The following TLN2 variants were observed in gnomAD, a reference collection of about 807,000 sequenced individuals.
TLN2 encodes talin 2.
In TLN2, 118 loss-of-function variants were observed where a neutral mutation model predicts 294.7. That is an observed-to-expected ratio of 0.40 (90% CI 0.34 to 0.47). The LOEUF (loss-of-function observed/expected upper bound fraction) is 0.47. Among genes scored for constraint, TLN2 ranks in the 20% least tolerant of loss-of-function variants. The pLI, the probability that TLN2 is intolerant of heterozygous loss-of-function variation, is 0.84. For missense variants in TLN2, 3,083 were observed against 3,282.2 expected (o/e 0.94, Z 1.48); for synonymous variants, 1,431 against 1,304.5 (o/e 1.10, Z -2.09).
chr15:62,607,935 C>T (rs981846720), intron 2 of TLN2, among the ~76,000 whole-genome samples: 1 of 152,210 alleles, frequency 6.6e-6, no homozygotes, highest in African/African-American at 2.4e-5. Context: ...TTGCTAATGT[C>T]TAACCTCAAG....
chr15:62,609,519 C>T (rs1036397226), intron 2 of TLN2, among the ~76,000 whole-genome samples: 7 of 152,224 alleles, frequency 4.6e-5, no homozygotes, highest in African/African-American at 1.7e-4. Flanking sequence ...CCTTCATAAC[C>T]TTGACCCTCT....
chr15:62,741,533 G>A (rs968142022), intron 32 of TLN2, among the ~76,000 whole-genome samples: 1 of 152,114 alleles, frequency 6.6e-6, no homozygotes, highest in Non-Finnish European at 1.5e-5. Context: ...GAGTAGGGTG[G>A]TCATGATTCT....
rs1198545185 is a variant in TLN2, at chr15:62,763,807, G to A, written c.5094+112G>A. 5.0e-6 allele frequency: 7 copies of A among 1,394,018 alleles called. No individual in the cohort carries two copies. The Admixed American group carries it at 1.7e-4, about 33-fold the overall frequency. 86.4% of individuals were successfully genotyped at this position (1,394,018 alleles called of 1,614,324 possible). A position where few individuals can be genotyped will look rare whatever the true frequency, so the allele number is the denominator to read the frequency against. On this transcript the variant is annotated intron_variant, in intron 40 of 58. Coordinates refer to ENST00000636159, the MANE Select transcript of TLN2 (RefSeq NM_015059.3). ...GGGCCAAAATGTTTCTGTTGCTGGA[G>A]TTTCACCATTAGACAGCCATTCTCT...
At chr15:62,549,480 G>GCATCCATGCATGCATCCATC (rs1555427562) in intron 1 of TLN2, among the ~76,000 whole-genome samples, 4 of 147,756 alleles carry the variant, frequency 2.7e-5, no homozygotes, top group African/African-American at 1.0e-4. Context: ...TGCATGCCAT[G>GCATCCATGCATGCATCCATC]CATCCATCCA....
At chr15:62,487,902 C>CA (rs1455616711) in intron 1 of TLN2, among the ~76,000 whole-genome samples, 10 of 151,024 alleles carry the variant, frequency 6.6e-5, no homozygotes, top group African/African-American at 2.2e-4. Context: ...GAATCCGTCT[C>CA]AAAAAATAAA....
intron 1 of TLN2, among the ~76,000 whole-genome samples, chr15:62,481,670 CT>C (rs571119824): frequency 1.3e-5 from 2 of 150,824 alleles, no homozygotes; most frequent in Non-Finnish European, 3.0e-5. Flanking sequence ...CAAGAAAGTG[CT>C]TTTTTTTTAA....
At position 62,608,616 on chromosome 15, in the gene TLN2, T is replaced by A. The variant is rs139747367; in HGVS notation, c.-161-9735T>A. 3.0e-3 allele frequency among the ~76,000 whole-genome samples: 456 copies of A among 152,252 alleles called. 4 individuals are homozygous for A. The highest frequency in any genetic ancestry group is 0.01 in the African/African-American group (433 of 41,540). ...GGAGGTGGGTGGATTGTGAAGTTAC[T>A]GAGATCAGCGACACAGGAGGGAAGC... is the stretch of plus-strand genomic sequence containing the variant. On this transcript the variant is annotated intron_variant, in intron 2 of 58. Coordinates refer to ENST00000636159, the MANE Select transcript of TLN2 (RefSeq NM_015059.3).
At chr15:62,668,795 A>G (rs2055041555) in intron 9 of TLN2, among the ~76,000 whole-genome samples, 1 of 152,160 alleles carries the variant, frequency 6.6e-6, no homozygotes, top group Admixed American at 6.5e-5. Context: ...GGTGCTTGTA[A>G]AGCACCTGAA....
At chr15:62,806,848 CAG>C (rs1009881361) in intron 51 of TLN2, among the ~76,000 whole-genome samples, 1 of 152,094 alleles carries the variant, frequency 6.6e-6, no homozygotes, top group Admixed American at 6.6e-5. Context: ...CGTGGGGTCT[CAG>C]GGAGCAGAGC....
intron 28 of TLN2, among the ~76,000 whole-genome samples, chr15:62,734,309 C>T (rs1347489144): frequency 6.6e-6 from 1 of 152,116 alleles, no homozygotes. Flanking sequence ...GTCCATATGA[C>T]AAATGGGAAG....
intron 48 of TLN2, 141 bp from the exon 49 acceptor site, chr15:62,800,227 A>G: frequency 2.2e-6 from 3 of 1,349,556 alleles, no homozygotes; most frequent in Non-Finnish European, 3.0e-6. Flanking sequence ...GTGGCTTCCC[A>G]GGAGGTCTGC....
intron 1 of TLN2, among the ~76,000 whole-genome samples, chr15:62,533,125 G>A (rs1423292339): frequency 6.6e-6 from 1 of 151,786 alleles, no homozygotes; most frequent in Non-Finnish European, 1.5e-5. Context: ...GTGGTGGTGG[G>A]CACCTGTAAT....
chr15:62,740,692 G>A lies in TLN2; in HGVS notation c.3948G>A (p.Lys1316=). The part of the protein sequence containing the change: ...NLKNISMASS[K]LLLAAKSLSV... ...AGAATATCTCGATGGCATCCAGCAA[G>A]CTGCTGTTAGCTGCCAAGTCTCTCT... Residue 1316 remains lysine, a synonymous_variant, in exon 32 of 59, where the codon AAG becomes AAA. Transcript: ENST00000636159. 6.2e-7 allele frequency: 1 copy of A among 1,614,218 alleles called. No individual in the cohort carries two copies. The highest frequency in any genetic ancestry group is 8.5e-7 in the Non-Finnish European group (1 of 1,180,054).
At chr15:62,810,228 G>A (rs564541363) in intron 52 of TLN2, among the ~76,000 whole-genome samples, 196 bp downstream of exon 52, 12 of 152,290 alleles carry the variant, frequency 7.9e-5, no homozygotes, top group African/African-American at 2.4e-4. Flanking sequence ...CGGTCTGGAC[G>A]AAGTTGCAGT....
chr15:62,578,386 G>A (rs2044617741), intron 1 of TLN2, among the ~76,000 whole-genome samples: 1 of 152,024 alleles, frequency 6.6e-6, no homozygotes, highest in African/African-American at 2.4e-5. Context: ...GGCCAACATG[G>A]TGAAACCCCG....
chr15:62,772,235 G>C (rs6494356), intron 42 of TLN2, among the ~76,000 whole-genome samples: 148,009 of 152,258 alleles, frequency 0.97, 72,061 homozygotes, highest in Middle Eastern at 1. Context: ...GGAATTATAG[G>C]TGCAAACCAC....
Position 62,656,001 on chromosome 15 carries a change from C to T in TLN2, c.575C>T (p.Thr192Met), listed in dbSNP as rs149748576. Residue 192 changes from threonine (T) to methionine (M), a missense_variant, in exon 8 of 59, where the codon ACG becomes ATG. By Grantham distance (81) the Thr-to-Met change is moderately conservative. Coordinates refer to ENST00000636159, the MANE Select transcript of TLN2 (RefSeq NM_015059.3). ...FREQGVDENE[T>M]LLLRRKFFYS... ...GAACAAGGAGTAGATGAAAACGAAA[C>T]GTTGCTGCTTAGACGGAAGTTCTTT... 15 of 1,614,014 alleles carry T rather than the reference C, an allele frequency of 9.3e-6. No homozygotes were observed. The highest frequency in any genetic ancestry group is 5.0e-5 in the Admixed American group (3 of 60,000).
intron 3 of TLN2, among the ~76,000 whole-genome samples, chr15:62,625,280 C>T (rs1014331172): frequency 3.3e-5 from 5 of 152,140 alleles, no homozygotes; most frequent in African/African-American, 1.2e-4. Flanking sequence ...TTTAGGAAAG[C>T]TTGGCCAAGA....
intron 1 of TLN2, among the ~76,000 whole-genome samples, chr15:62,399,256 CAAAAAAAAAAAAAAA>C (rs546678440): frequency 3.4e-5 from 2 of 58,434 alleles, no homozygotes; most frequent in East Asian, 6.2e-4. Flanking sequence ...CCGTCTCAAA[CAAAAAAAAAAAAAAA>C]AAAAAAAAAA....
Sources: gnomAD v4.1 joint callset for allele counts (sites outside exome capture counted in the v4.1 genomes callset) on GRCh38, gnomAD v4.1.1 for gene constraint, MANE v1.5 for transcripts, NCBI Gene and HGNC (gene_info 2026-07-23, HGNC 2026-07-21) for gene names.